Variants in HDAC8 observed in about 807,000 individuals in gnomAD.
HDAC8 encodes histone deacetylase 8.
In HDAC8, 1 loss-of-function variant was observed where a neutral mutation model predicts 32.2. The ratio of observed to expected loss-of-function variants is 0.03; its 90% CI spans 0.01 to 0.15. HDAC8 has a LOEUF of 0.15. HDAC8 is among the 10% of genes least tolerant of loss of function. The pLI, the probability that HDAC8 is intolerant of heterozygous loss-of-function variation, is 1.00. For synonymous variants in HDAC8, 108 were observed against 113.9 expected (o/e 0.95, Z 0.33); for missense variants, 117 against 300.0 (o/e 0.39, Z 4.51).
chrX:72,417,713 C>T (rs1555972247), intron 9 of HDAC8, among the ~76,000 whole-genome samples: 2 of 111,827 alleles, frequency 1.8e-5, no homozygotes, highest in Non-Finnish European at 3.8e-5. Context: ...ATTATAAAAA[C>T]ACTGTTCTAA....
chrX:72,480,987 G>A (rs1313462553), intron 7 of HDAC8, among the ~76,000 whole-genome samples: 1 of 109,840 alleles, frequency 9.1e-6, no homozygotes, highest in Non-Finnish European at 1.9e-5. Context: ...GGGTTGATAG[G>A]TGCAGCAAAC....
intron 9 of HDAC8, among the ~76,000 whole-genome samples, chrX:72,366,087 G>A (rs2044689077): frequency 8.9e-6 from 1 of 112,289 alleles, no homozygotes; most frequent in African/African-American, 3.2e-5. Flanking sequence ...GTGCAGGCAA[G>A]GAGCTCCTGC....
chrX:72,503,196 C>T (rs1458987954), intron 4 of HDAC8, among the ~76,000 whole-genome samples: 1 of 111,960 alleles, frequency 8.9e-6, no homozygotes, highest in East Asian at 2.8e-4. Flanking sequence ...AGCTAGAGGG[C>T]TTCATCTTCA....
chrX:72,389,582 G>A, intron 9 of HDAC8, among the ~76,000 whole-genome samples: 1 of 112,035 alleles, frequency 8.9e-6, no homozygotes, highest in Non-Finnish European at 1.9e-5. Context: ...TTTTAGGGAT[G>A]AAGAAACTGA....
chrX:72,539,481 C>T (rs2050636877), intron 4 of HDAC8, among the ~76,000 whole-genome samples: 2 of 109,141 alleles, frequency 1.8e-5, no homozygotes, highest in South Asian at 8.1e-4. Flanking sequence ...ACCTCGTGAT[C>T]CACCCGCCTC....
chrX:72,503,374 C>T (rs1379311593), intron 4 of HDAC8, among the ~76,000 whole-genome samples: 1 of 111,978 alleles, frequency 8.9e-6, no homozygotes, highest in Non-Finnish European at 1.9e-5. Context: ...AGTGCTAACC[C>T]AAGGTGGAGT....
chrX:72,518,461 A>G (rs146248762), intron 4 of HDAC8, among the ~76,000 whole-genome samples: 283 of 111,911 alleles, frequency 2.5e-3, no homozygotes, highest in Middle Eastern at 0.014. Flanking sequence ...TCAGATTTAC[A>G]GAAAAATTGA....
Position 72,464,623 on chromosome X carries a change from C to T in HDAC8, c.846G>A (p.Val282=). 8.3e-7 allele frequency: 1 copy of T among 1,207,090 alleles called. No individual in the cohort carries two copies. Among genetic ancestry groups the T allele is most frequent in the Non-Finnish European group, 1.1e-6 (1 of 891,211 alleles). Reference sequence around the variant, plus strand: ...TGTACTTAAGACACTTGCCAATTCCCACTGGAGTCATGTTAAAGGAGCACA... The same window carrying T: ...TGTACTTAAGACACTTGCCAATTCCTACTGGAGTCATGTTAAAGGAGCACA... The part of the protein sequence containing the change: ...DPMCSFNMTP[V]GIGKCLKYIL... Residue 282 remains valine (V), a synonymous_variant, in exon 8 of 11, where the codon GTG becomes GTA. Transcript: ENST00000373573.
intron 2 of HDAC8, among the ~76,000 whole-genome samples, chrX:72,571,141 G>T (rs1201549932): frequency 1.8e-5 from 2 of 110,306 alleles, no homozygotes; most frequent in African/African-American, 3.3e-5. Context: ...AGCCAGGATG[G>T]TCTTGATCTC....
intron 9 of HDAC8, among the ~76,000 whole-genome samples, chrX:72,426,022 C>T (rs782023122): frequency 8.9e-6 from 1 of 111,811 alleles, no homozygotes; most frequent in South Asian, 3.8e-4. Flanking sequence ...TGGACAGATC[C>T]CTCTCAAGGT....
Position 72,474,550 on chromosome X carries a change from A to G in HDAC8, c.738-9819T>C, listed in dbSNP as rs781799838. On this transcript the variant is annotated intron_variant, in intron 7 of 10. Transcript: ENST00000373573. ...AGGGGGAGGACAGGCATCTCTTTAT[A>G]CTACATTAGTAACTTCCCTATAAAC... The G allele has an allele frequency of 3.8e-5, 44 of 1,144,628 alleles. No homozygotes were observed. The African/African-American group carries it at 7.4e-4, about 19-fold the overall frequency. 94.3% of individuals were successfully genotyped at this position (1,144,628 alleles called of 1,213,427 possible).
chrX:72,403,160 C>T (rs1417251072), intron 9 of HDAC8, among the ~76,000 whole-genome samples: 9 of 111,414 alleles, frequency 8.1e-5, no homozygotes, highest in East Asian at 2.8e-4. Context: ...ATGTTGTTAT[C>T]GATATGTTTG....
chrX:72,542,297 C>T (rs1556043765), intron 4 of HDAC8, among the ~76,000 whole-genome samples: 1 of 112,005 alleles, frequency 8.9e-6, no homozygotes, highest in Admixed American at 9.5e-5. Context: ...GTAATTTACT[C>T]CCAGTCCTGG....
intron 9 of HDAC8, among the ~76,000 whole-genome samples, chrX:72,442,439 T>C (rs1481466379): frequency 9.0e-6 from 1 of 111,194 alleles, no homozygotes; most frequent in African/African-American, 3.3e-5. Flanking sequence ...CAAACTAAGC[T>C]TCATAAGTGA....
At position 72,501,154 on chromosome X, in the gene HDAC8, A is replaced by T. The variant is rs782347587; in HGVS notation, c.438-5886T>A. 1.1e-3 allele frequency among the ~76,000 whole-genome samples: 120 copies of T among 112,238 alleles called. No individual in the cohort carries two copies. The South Asian group carries it at 0.011, about 11-fold the overall frequency. On this transcript the variant is annotated intron_variant, in intron 4 of 10. Transcript: ENST00000373573. ...ACAAATGGAAAAACATCCCATGCTC[A>T]TGGATAGGAGGAATCAATATAATTA... is the stretch of plus-strand genomic sequence containing the variant.
At chrX:72,372,485 T>C (rs1244344540) in intron 9 of HDAC8, among the ~76,000 whole-genome samples, 1 of 111,221 alleles carries the variant, frequency 9.0e-6, no homozygotes, top group African/African-American at 3.3e-5. Context: ...AACGGATGGA[T>C]GAAAGAATGA....
chrX:72,403,896 G>A (rs1249037344), intron 9 of HDAC8, among the ~76,000 whole-genome samples: 1 of 111,088 alleles, frequency 9.0e-6, no homozygotes, highest in Admixed American at 9.6e-5. Flanking sequence ...CCTGGGTTAT[G>A]GGATCAATTG....
At chrX:72,551,792 A>G (rs1288114284) in intron 4 of HDAC8, among the ~76,000 whole-genome samples, 5 of 112,553 alleles carry the variant, frequency 4.4e-5, no homozygotes, top group African/African-American at 6.5e-5. Flanking sequence ...CACAGAAAAA[A>G]GTCCAATTCC....
At chrX:72,509,801 C>T (rs1019060137) in intron 4 of HDAC8, among the ~76,000 whole-genome samples, 1 of 110,890 alleles carries the variant, frequency 9.0e-6, no homozygotes, top group Non-Finnish European at 1.9e-5. Context: ...CGTGTCTACT[C>T]CCCTTTCACC....
Sources: allele counts gnomAD v4.1 joint callset (sites outside exome capture counted in the v4.1 genomes callset), GRCh38; gene constraint gnomAD v4.1.1; transcripts MANE v1.5; gene names NCBI Gene and HGNC (gene_info 2026-07-23, HGNC 2026-07-21).